PPP2R3C: variants seen among roughly 807,000 people sequenced by gnomAD.
The protein encoded by PPP2R3C is serine/threonine-protein phosphatase 2A regulatory subunit B'' subunit gamma.
A neutral mutation model predicts 63.7 loss-of-function variants in PPP2R3C; 47 were observed. The ratio of observed to expected loss-of-function variants is 0.74; its 90% CI spans 0.58 to 0.94. The LOEUF (loss-of-function observed/expected upper bound fraction) is 0.94. PPP2R3C is among the 40% of genes least tolerant of loss of function. The pLI is 0.00. For missense variants in PPP2R3C, 421 were observed against 518.4 expected (o/e 0.81, Z 1.82); for synonymous variants, 180 against 177.4 (o/e 1.01, Z -0.12).
chr14:35,117,760 TC>T (rs1197929582), intron 1 of PPP2R3C, among the ~76,000 whole-genome samples: 4 of 152,036 alleles, frequency 2.6e-5, no homozygotes, highest in African/African-American at 9.6e-5. Flanking sequence ...AATGGTACGA[TC>T]TCGGGTCACG....
chr14:35,090,431 A>G (rs1202243053), intron 11 of PPP2R3C, among the ~76,000 whole-genome samples: 2 of 151,896 alleles, frequency 1.3e-5, no homozygotes, highest in Non-Finnish European at 2.9e-5. Flanking sequence ...AGACTGCCTG[A>G]GCCCAGGAGT....
chr14:35,095,796 A>C (rs1331063186), intron 9 of PPP2R3C, among the ~76,000 whole-genome samples: 5 of 144,630 alleles, frequency 3.5e-5, no homozygotes, highest in African/African-American at 1.3e-4. Flanking sequence ...GGTTGCAGTG[A>C]GCCGAGATCA....
intron 2 of PPP2R3C, among the ~76,000 whole-genome samples, chr14:35,111,855 C>T (rs1272419824): frequency 6.6e-6 from 1 of 152,158 alleles, no homozygotes; most frequent in Non-Finnish European, 1.5e-5. Context: ...TAGCCCCTGC[C>T]TACCAAACTA....
At chr14:35,096,786 C>T (rs1227176367) in intron 7 of PPP2R3C, 22 bp from the exon 8 acceptor site, 2 of 1,539,154 alleles carry the variant, frequency 1.3e-6, no homozygotes, top group East Asian at 2.3e-5. Context: ...TAAAGAAACA[C>T]AATTAATTTC....
intron 3 of PPP2R3C, 100 bp from the exon 4 acceptor site, chr14:35,110,031 G>A: frequency 1.2e-6 from 1 of 818,342 alleles, no homozygotes; most frequent in Non-Finnish European, 1.9e-6. Context: ...GAGTTTGTTG[G>A]CAGAGTCAAT....
At position 35,110,637 on chromosome 14, in the gene PPP2R3C, T is replaced by A. The variant is rs748877662; in HGVS notation, c.187-8A>T. ...TTCATCTTCAGCAGGCAGCTGAAAA[T>A]ACAAGGTAAATTTCTACATGTAAAT... On this transcript the variant is annotated splice_region_variant and splice_polypyrimidine_tract_variant and intron_variant, in intron 2 of 12. Transcript: ENST00000261475. 1.3e-6 allele frequency: 2 copies of A among 1,588,582 alleles called. No homozygotes were observed. Among genetic ancestry groups the A allele is most frequent in the Admixed American group, 3.4e-5 (2 of 58,820 alleles).
At chr14:35,122,032 G>C (rs566319745), upstream of PPP2R3C, 1 of 1,535,300 alleles carries the variant, frequency 6.5e-7, no homozygotes, top group African/African-American at 1.4e-5. Flanking sequence ...TCAGGCGTCA[G>C]CACCGCCAGG....
intron 6 of PPP2R3C, among the ~76,000 whole-genome samples, chr14:35,103,591 A>C (rs1391336918): frequency 2.0e-5 from 3 of 152,198 alleles, no homozygotes; most frequent in Admixed American, 6.5e-5. Flanking sequence ...GGGAATGAAA[A>C]TTGTACTGTG....
intron 1 of PPP2R3C, among the ~76,000 whole-genome samples, chr14:35,120,091 G>A (rs1388158997): frequency 2.6e-5 from 4 of 151,254 alleles, no homozygotes; most frequent in Admixed American, 2.6e-4. Flanking sequence ...CGCCCGCCTC[G>A]GCCTCCCAAA....
At chr14:35,121,830 T>C (rs2046909676) in intron 1 of PPP2R3C, 72 bp downstream of exon 1, 2 of 1,524,968 alleles carry the variant, frequency 1.3e-6, no homozygotes, top group Admixed American at 3.6e-5. Context: ...TTGCTCCTCC[T>C]CCCCACCTCC....
intron 1 of PPP2R3C, among the ~76,000 whole-genome samples, chr14:35,121,058 C>A (rs570201885): frequency 1.3e-5 from 2 of 152,254 alleles, no homozygotes; most frequent in South Asian, 4.1e-4. Flanking sequence ...AAAACACCTT[C>A]TTTAGATTAG....
chr14:35,099,488 GAAA>G, intron 6 of PPP2R3C, 104 bp from the exon 7 acceptor site: 2 of 1,282,110 alleles, frequency 1.6e-6, no homozygotes, highest in Non-Finnish European at 2.1e-6. Context: ...TATTGATAAA[GAAA>G]TAAATGCATG....
intron 7 of PPP2R3C, 103 bp from the exon 8 acceptor site, chr14:35,096,867 T>C (rs2046016599): frequency 1.0e-5 from 11 of 1,083,982 alleles, no homozygotes; most frequent in Non-Finnish European, 1.2e-5. Context: ...ACAATTGATA[T>C]TTTAAAGCTT....
chr14:35,111,237 A>T (rs2046551215), intron 2 of PPP2R3C, among the ~76,000 whole-genome samples: 1 of 12,758 alleles, frequency 7.8e-5, no homozygotes, highest in Admixed American at 1.7e-3. Flanking sequence ...CCATCTACCA[A>T]AAAAAAAAAA....
At position 35,095,025 on chromosome 14, in the gene PPP2R3C, TAGC is replaced by T. The variant is rs1566687872; in HGVS notation, c.975+20_975+22del. ...TCTGGGAGCCTAAACTTTTAAAACT[TAGC>T]AGCAGATTTAAACTACTACCATTTC... On this transcript the variant is annotated intron_variant, in intron 10 of 12. Coordinates refer to ENST00000261475, the MANE Select transcript of PPP2R3C (RefSeq NM_017917.4). 6.3e-7 allele frequency: 1 copy of T among 1,589,844 alleles called. No individual in the cohort carries two copies. Among genetic ancestry groups the T allele is most frequent in the Admixed American group, 1.7e-5 (1 of 59,520 alleles).
chr14:35,106,857 G>A (rs2046380345), intron 6 of PPP2R3C, among the ~76,000 whole-genome samples: 3 of 151,180 alleles, frequency 2.0e-5, no homozygotes, highest in African/African-American at 7.3e-5. Context: ...AGTAGAGATA[G>A]GGTTTCTCCA....
chr14:35,116,804 A>G (rs1048331573), intron 1 of PPP2R3C, 67 bp from the exon 2 acceptor site: 21 of 1,216,030 alleles, frequency 1.7e-5, no homozygotes, highest in Non-Finnish European at 2.3e-5. Context: ...AGGTCATCCT[A>G]TATATTATAT....
chr14:35,111,080 C>T (rs1289896917), intron 2 of PPP2R3C, among the ~76,000 whole-genome samples: 1 of 151,760 alleles, frequency 6.6e-6, no homozygotes, highest in Non-Finnish European at 1.5e-5. Flanking sequence ...ACTAAAAATA[C>T]AAAAATTAGC....
intron 6 of PPP2R3C, among the ~76,000 whole-genome samples, chr14:35,104,521 T>C (rs1363699898): frequency 1.3e-5 from 2 of 152,146 alleles, no homozygotes; most frequent in Non-Finnish European, 2.9e-5. Context: ...CACTGTATAT[T>C]TGGGAAAAAA....
Sources: allele counts gnomAD v4.1 joint callset (sites outside exome capture counted in the v4.1 genomes callset), GRCh38; gene constraint gnomAD v4.1.1; transcripts MANE v1.5; gene names NCBI Gene and HGNC (gene_info 2026-07-23, HGNC 2026-07-21).